The following DCDC2C variants were observed in gnomAD, a reference collection of about 807,000 sequenced individuals.
The protein encoded by DCDC2C is doublecortin domain containing 2C.
In DCDC2C, 44 loss-of-function variants were observed where a neutral mutation model predicts 45.0. The observed-to-expected ratio is 0.98, with a 90% CI of 0.77 to 1.26. The LOEUF is 1.26. DCDC2C is among the 50% of genes most tolerant of loss of function. The probability of loss-of-function intolerance (pLI) is 0.00; values close to 1 mark genes in which losing one functional copy is unlikely to be tolerated. For missense variants in DCDC2C, 447 were observed against 468.9 expected, an observed-to-expected ratio of 0.95 and a Z score of 0.43; for synonymous variants, 187 against 178.8, an observed-to-expected ratio of 1.05 and a Z score of -0.37.
intron 10 of DCDC2C, among the ~76,000 whole-genome samples, chr2:3,845,589 C>A (rs1203717900): frequency 6.6e-6 from 1 of 152,192 alleles, no homozygotes; most frequent in Non-Finnish European, 1.5e-5. Context: ...TTAAGGGGGA[C>A]ATTTGTAATC....
chr2:3,708,145 A>G (rs184767061), intron 1 of DCDC2C, among the ~76,000 whole-genome samples: 3,911 of 152,228 alleles, frequency 0.026, 176 homozygotes, highest in African/African-American at 0.089. Context: ...GGGGGTGCAG[A>G]GGAGCTGGAG....
At chr2:3,722,128 C>T (rs1003119828) in intron 2 of DCDC2C, among the ~76,000 whole-genome samples, 2 of 152,158 alleles carry the variant, frequency 1.3e-5, no homozygotes, top group Admixed American at 6.5e-5. Context: ...ATTAGCATTG[C>T]ATGCAGGAGG....
intron 10 of DCDC2C, chr2:3,788,284 A>G (rs927734882): frequency 6.6e-6 from 1 of 152,218 alleles, no homozygotes; most frequent in Non-Finnish European, 1.5e-5. Flanking sequence ...TAAATGTTGA[A>G]CTATCCTACT....
intron 10 of DCDC2C, among the ~76,000 whole-genome samples, chr2:3,842,497 G>T (rs111823781): frequency 3.3e-5 from 5 of 152,148 alleles, no homozygotes; most frequent in African/African-American, 1.2e-4. Context: ...GGGTGCATTG[G>T]GGGAGTGCAA....
chr2:3,840,020 G>A (rs373580195), intron 10 of DCDC2C, among the ~76,000 whole-genome samples: 4 of 152,140 alleles, frequency 2.6e-5, no homozygotes, highest in South Asian at 4.1e-4. Flanking sequence ...CAGAATTGTC[G>A]GAGAAGATGT....
chr2:3,811,445 G>T (rs756295796), intron 10 of DCDC2C, among the ~76,000 whole-genome samples: 4 of 152,178 alleles, frequency 2.6e-5, no homozygotes, highest in Admixed American at 6.5e-5. Flanking sequence ...CTGAGACTTT[G>T]CTGAAGTTGC....
intron 10 of DCDC2C, among the ~76,000 whole-genome samples, chr2:3,790,430 AT>A (rs1333564968): frequency 3.9e-5 from 6 of 152,172 alleles, no homozygotes; most frequent in Non-Finnish European, 8.8e-5. Flanking sequence ...CTGAAGTGAA[AT>A]GCATCCACAG....
intron 2 of DCDC2C, among the ~76,000 whole-genome samples, chr2:3,712,488 CAA>C (rs34271207): frequency 0.069 from 7,930 of 114,910 alleles, 209 homozygotes; most frequent in East Asian, 0.13. Context: ...CCTATCTCTA[CAA>C]AAAAAAAAAA....
At chr2:3,708,525 GT>G (rs1248061613) in intron 1 of DCDC2C, 23 bp from the exon 2 acceptor site, 2 of 1,520,130 alleles carry the variant, frequency 1.3e-6, no homozygotes, top group African/African-American at 2.8e-5. Flanking sequence ...TTCTAATGAT[GT>G]TTTCTTCTTT....
chr2:3,784,292 C>CCTTTGGAAAAGGGCT (rs1387254874), intron 9 of DCDC2C, among the ~76,000 whole-genome samples: 1 of 151,996 alleles, frequency 6.6e-6, no homozygotes, highest in Non-Finnish European at 1.5e-5. Context: ...TCAATGCAGC[C>CCTTTGGAAAAGGGCT]CTTTGGAAAA....
chr2:3,742,797 C>T (rs1175544607), intron 4 of DCDC2C, among the ~76,000 whole-genome samples: 1 of 152,208 alleles, frequency 6.6e-6, no homozygotes, highest in Non-Finnish European at 1.5e-5. Flanking sequence ...ATAGGAAATT[C>T]AGCCCTATTG....
At chr2:3,822,049 T>C (rs990709431) in intron 10 of DCDC2C, among the ~76,000 whole-genome samples, 5 of 152,234 alleles carry the variant, frequency 3.3e-5, no homozygotes, top group Non-Finnish European at 7.3e-5. Context: ...TTGCCTATTA[T>C]CAGTGTTCCA....
At chr2:3,732,998 A>G (rs1032673885) in intron 3 of DCDC2C, among the ~76,000 whole-genome samples, 15 of 152,224 alleles carry the variant, frequency 9.9e-5, no homozygotes, top group African/African-American at 3.6e-4. Context: ...GTGAAATGTG[A>G]TCTTTCATTA....
chr2:3,759,242 G>A (rs1471374730), intron 6 of DCDC2C, among the ~76,000 whole-genome samples: 4 of 152,150 alleles, frequency 2.6e-5, no homozygotes, highest in African/African-American at 9.7e-5. Context: ...AAATCTTGGA[G>A]GGTATTCAGG....
intron 10 of DCDC2C, among the ~76,000 whole-genome samples, chr2:3,821,227 G>A (rs554702888): frequency 9.8e-5 from 15 of 152,302 alleles, no homozygotes; most frequent in Admixed American, 5.2e-4. Flanking sequence ...AGTTAAGGCA[G>A]GAACTAGCCA....
intron 10 of DCDC2C, among the ~76,000 whole-genome samples, chr2:3,796,811 G>C (rs998614526): frequency 6.6e-6 from 1 of 150,636 alleles, no homozygotes; most frequent in Non-Finnish European, 1.5e-5. Context: ...GTTCATCAAG[G>C]ATATTGGTCT....
chr2:3,833,463 T>C (rs1672000966), intron 10 of DCDC2C, among the ~76,000 whole-genome samples: 1 of 152,212 alleles, frequency 6.6e-6, no homozygotes, highest in South Asian at 2.1e-4. Context: ...ACACATTTTG[T>C]CCTACACGTT....
chr2:3,717,779 G>A (rs1668386861), intron 2 of DCDC2C, among the ~76,000 whole-genome samples: 1 of 152,166 alleles, frequency 6.6e-6, no homozygotes, highest in Non-Finnish European at 1.5e-5. Flanking sequence ...CTGTGTCTAG[G>A]ATCCAGTCCT....
chr2:3,740,627 A>G (rs530695641), intron 3 of DCDC2C, among the ~76,000 whole-genome samples: 2 of 152,302 alleles, frequency 1.3e-5, no homozygotes, highest in South Asian at 2.1e-4. Flanking sequence ...GCAAATCTTT[A>G]TTGTAATTGT....
Sources: gnomAD v4.1 joint callset for allele counts (sites outside exome capture counted in the v4.1 genomes callset) on GRCh38, gnomAD v4.1.1 for gene constraint, MANE v1.5 for transcripts, NCBI Gene and HGNC (gene_info 2026-07-23, HGNC 2026-07-21) for gene names.